Variants in BAZ2B observed in about 807,000 individuals in gnomAD.
BAZ2B encodes the protein bromodomain adjacent to zinc finger domain protein 2B.
Under a neutral mutation model 246.0 loss-of-function variants are expected in BAZ2B, and 91 were observed. The ratio of observed to expected loss-of-function variants is 0.37; its 90% CI spans 0.31 to 0.44. BAZ2B has a LOEUF of 0.44. BAZ2B is among the 20% of genes least tolerant of loss of function. The pLI, the probability that BAZ2B is intolerant of heterozygous loss-of-function variation, is 1.00. For synonymous variants in BAZ2B, 855 were observed against 860.0 expected (o/e 0.99, Z 0.10); for missense variants, 2,332 against 2,533.7 (o/e 0.92, Z 1.71).
chr2:159,435,013 A>G (rs1313877915), intron 8 of BAZ2B: 1 of 151,886 alleles, frequency 6.6e-6, no homozygotes, highest in African/African-American at 2.4e-5. Flanking sequence ...GAGTTAACAG[A>G]AGGAGCTGAA....
intron 2 of BAZ2B, among the ~76,000 whole-genome samples, chr2:159,534,007 G>A (rs903688377): frequency 2.0e-5 from 3 of 152,242 alleles, no homozygotes; most frequent in African/African-American, 7.2e-5. Flanking sequence ...TTCCTTTAAC[G>A]AGAGGCCGTA....
At position 159,385,166 on chromosome 2, in the gene BAZ2B, C is replaced by T. The variant is rs1220731572; in HGVS notation, c.3675G>A (p.Lys1225=). Reference sequence around the variant, plus strand: ...GGGCATATGCTCACCTGACCACACTCTTGCTGCATGCCAGTTCATTGATCA... The same window carrying T: ...GGGCATATGCTCACCTGACCACACTTTTGCTGCATGCCAGTTCATTGATCA... The part of the protein sequence containing the change: ...AFLINELACS[K]SVVSEIDKNI... Residue 1225 remains lysine (K), a synonymous_variant, in exon 23 of 37, where the codon AAG becomes AAA. Coordinates refer to ENST00000392783, the MANE Select transcript of BAZ2B (RefSeq NM_013450.4). The T allele has an allele frequency of 6.2e-7, 1 of 1,613,106 alleles. No individual in the cohort carries two copies. Among genetic ancestry groups the T allele is most frequent in the South Asian group, 1.1e-5 (1 of 91,048 alleles).
At chr2:159,527,931 A>T (rs954465563) in intron 2 of BAZ2B, among the ~76,000 whole-genome samples, 1 of 152,186 alleles carries the variant, frequency 6.6e-6, no homozygotes, top group Non-Finnish European at 1.5e-5. Flanking sequence ...AGGCTATGTC[A>T]GGAAGGGATA....
chr2:159,477,210 C>T (rs1373611521), intron 3 of BAZ2B, among the ~76,000 whole-genome samples: 2 of 151,978 alleles, frequency 1.3e-5, no homozygotes, highest in Non-Finnish European at 2.9e-5. Flanking sequence ...GAGGCTGAGG[C>T]ACAAGAATGG....
chr2:159,437,161 T>C (rs946485935), intron 8 of BAZ2B, among the ~76,000 whole-genome samples: 1 of 152,250 alleles, frequency 6.6e-6, no homozygotes, highest in African/African-American at 2.4e-5. Flanking sequence ...CGCCTAAAGA[T>C]AATATTTGTA....
chr2:159,501,224 A>ATATATAATATATATATT, intron 2 of BAZ2B, among the ~76,000 whole-genome samples: 1 of 114,068 alleles, frequency 8.8e-6, no homozygotes, highest in African/African-American at 3.3e-5. Flanking sequence ...TTATATATAT[A>ATATATAATATATATATT]TTTATATATA....
At chr2:159,577,021 T>C (rs1685508420) in intron 1 of BAZ2B, among the ~76,000 whole-genome samples, 1 of 146,306 alleles carries the variant, frequency 6.8e-6, no homozygotes, top group South Asian at 2.1e-4. Context: ...AGCCCAGGAG[T>C]TCAAGAGCAG....
chr2:159,337,623 G>T lies in BAZ2B; in HGVS notation c.5604C>A (p.Asn1868Lys), dbSNP rs763353415. ...SAHALERKSD[N>K]PLDIAVTRLA... ...GCCTGGTTACAGCTATATCTAGGGG[G>T]TTGTCACTCTTCCGTTCTAGTGCAT... The change falls in exon 32 of 37, where the codon AAC becomes AAA. Residue 1868 changes from asparagine to lysine, a missense_variant. Physicochemically the swap from Asn to Lys is moderately conservative, Grantham distance 94. Coordinates refer to ENST00000392783, the MANE Select transcript of BAZ2B (RefSeq NM_013450.4). 6.2e-7 allele frequency: 1 copy of T among 1,614,188 alleles called. No homozygotes were observed. The highest frequency in any genetic ancestry group is 8.5e-7 in the Non-Finnish European group (1 of 1,180,020).
intron 14 of BAZ2B, among the ~76,000 whole-genome samples, chr2:159,410,438 T>G (rs914286442): frequency 6.6e-6 from 1 of 152,158 alleles, no homozygotes; most frequent in South Asian, 2.1e-4. Flanking sequence ...GTTCTCATGA[T>G]AGTAAGTGAG....
At chr2:159,678,909 T>C in the BAZ2B span, among the ~76,000 whole-genome samples, 1 of 152,308 alleles carries the variant, frequency 6.6e-6, no homozygotes, top group Middle Eastern at 3.4e-3. Flanking sequence ...AGCTTATAAA[T>C]GGCATGATAC....
chr2:159,374,279 T>C (rs2061180279), intron 26 of BAZ2B, among the ~76,000 whole-genome samples: 1 of 152,126 alleles, frequency 6.6e-6, no homozygotes, highest in Non-Finnish European at 1.5e-5. Context: ...CCCACAAATA[T>C]ACAAATGTAA....
chr2:159,345,215 A>C (rs1459450983), intron 31 of BAZ2B, among the ~76,000 whole-genome samples: 3 of 151,992 alleles, frequency 2.0e-5, no homozygotes, highest in African/African-American at 4.8e-5. Context: ...TGGTCTCAAA[A>C]AAAAAAAAAG....
chr2:159,422,256 T>C lies in BAZ2B; in HGVS notation c.2466+5685A>G, dbSNP rs532978138. 2.1e-3 allele frequency among the ~76,000 whole-genome samples: 318 copies of C among 152,282 alleles called. 1 individual carries two copies. Among genetic ancestry groups the C allele is most frequent in the Non-Finnish European group, 3.7e-3 (249 of 68,002 alleles). ...ACAGAAAAAACTATTCTAAAATTCATATGAAACCTAAAGAGCCTAAATTGC... is the reference window on the plus strand; with the variant it reads ...ACAGAAAAAACTATTCTAAAATTCACATGAAACCTAAAGAGCCTAAATTGC... On this transcript the variant is annotated intron_variant, in intron 13 of 36. Transcript: ENST00000392783.
chr2:159,578,721 T>G (rs1291023476), intron 1 of BAZ2B, among the ~76,000 whole-genome samples: 1 of 152,170 alleles, frequency 6.6e-6, no homozygotes, highest in Non-Finnish European at 1.5e-5. Flanking sequence ...TTTTAACAAC[T>G]GTCTCTAGGA....
chr2:159,634,562 C>T, the BAZ2B span, among the ~76,000 whole-genome samples: 55 of 152,182 alleles, frequency 3.6e-4, no homozygotes, highest in African/African-American at 1.2e-3. Context: ...AGAATTTTGA[C>T]GAGTTGATTT....
the BAZ2B span, among the ~76,000 whole-genome samples, chr2:159,703,084 A>G: frequency 4.0e-5 from 6 of 149,808 alleles, no homozygotes; most frequent in Non-Finnish European, 3.0e-5. Flanking sequence ...AAACAAAAAC[A>G]AAAACTTTCT....
rs923797522 is a variant in BAZ2B, at chr2:159,372,889, T to C, written c.4213+156A>G. On this transcript the variant is annotated intron_variant, in intron 27 of 36. Coordinates refer to ENST00000392783, the MANE Select transcript of BAZ2B (RefSeq NM_013450.4). ...AGGGCTAGGAGGAAGTGTGTATCAG[T>C]GAAGGGGCATTATGAGTGCAAAAGG... Among the ~76,000 whole-genome samples, 4 of 152,352 alleles carry C rather than the reference T, an allele frequency of 2.6e-5. No individual in the cohort carries two copies. The East Asian group carries it at 7.7e-4, about 29-fold the overall frequency.
chr2:159,324,459 G>A (rs2063157937), intron 36 of BAZ2B, among the ~76,000 whole-genome samples: 1 of 151,956 alleles, frequency 6.6e-6, no homozygotes, highest in South Asian at 2.1e-4. Context: ...TACAAATTCC[G>A]GCTTATATGT....
In BAZ2B at chr2:159,349,996, A is replaced by AGAGTCT. The variant is rs747433981; in HGVS notation, c.4569_4574dup (p.Asp1524_Ser1525dup). 1.2e-6 allele frequency: 2 copies of AGAGTCT among 1,614,202 alleles called. No individual in the cohort carries two copies. The highest frequency in any genetic ancestry group is 2.2e-5 in the South Asian group (2 of 91,082). On this transcript the variant is annotated inframe_insertion, in exon 28 of 37. Transcript: ENST00000392783. ...TTGAACCAGTATTAAACAGATTATT[A>AGAGTCT]GAGTCTGCCTTTTCCACATTGCTTT... is the stretch of plus-strand genomic sequence containing the variant.
Sources: allele counts gnomAD v4.1 joint callset (sites outside exome capture counted in the v4.1 genomes callset), GRCh38; gene constraint gnomAD v4.1.1; transcripts MANE v1.5; gene names NCBI Gene and HGNC (gene_info 2026-07-23, HGNC 2026-07-21).